Variants in ZNF831 observed in about 807,000 individuals in gnomAD.
ZNF831 encodes the protein chromosome 20 open reading frame 174.
A neutral mutation model predicts 95.8 loss-of-function variants in ZNF831; 59 were observed. The ratio of observed to expected loss-of-function variants is 0.62; its 90% CI spans 0.50 to 0.77. The LOEUF is 0.77. ZNF831 is among the 30% of genes least tolerant of loss of function. The probability of loss-of-function intolerance (pLI) is 0.00; values close to 1 mark genes in which losing one functional copy is unlikely to be tolerated. For synonymous variants in ZNF831, 961 were observed against 925.5 expected, an observed-to-expected ratio of 1.04 and a Z score of -0.70; for missense variants, 2,205 against 2,164.0, an observed-to-expected ratio of 1.02 and a Z score of -0.38.
At position 59,192,613 on chromosome 20, in the gene ZNF831, C is replaced by G. The variant is rs756389292; in HGVS notation, c.1594C>G (p.Pro532Ala). 66 of 1,503,132 alleles carry G rather than the reference C, an allele frequency of 4.4e-5. 1 individual carries two copies. The South Asian group carries it at 7.7e-4, about 18-fold the overall frequency. 93.1% of individuals were successfully genotyped at this position (1,503,132 alleles called of 1,614,324 possible). Residue 532 changes from proline to alanine, a missense_variant, in exon 2 of 6, where the codon CCT (proline) becomes GCT (alanine). Pro to Ala is a conservative substitution (Grantham distance 27, BLOSUM62 -1). Coordinates refer to ENST00000371030, the MANE Select transcript of ZNF831 (RefSeq NM_178457.3). The surrounding 1 kb of genome is among the most constrained non-coding windows in gnomAD (Gnocchi z 5.2). ...GGACCCCTGGTCCAGGACGCAGAAG[C>G]CTCTGAGCCCCAGGCCCGGCCCAGC... Reference protein sequence around the residue: ...PRDPWSRTQKPLSPRPGPARL... With the variant: ...PRDPWSRTQKALSPRPGPARL...
intron 2 of ZNF831, among the ~76,000 whole-genome samples, chr20:59,156,474 C>T (rs1280706765): frequency 2.0e-5 from 3 of 151,892 alleles, no homozygotes; most frequent in Non-Finnish European, 4.4e-5. Context: ...TGCAGTAAGC[C>T]GAGATTGCAC....
intron 1 of ZNF831, among the ~76,000 whole-genome samples, chr20:59,143,163 T>G (rs1410756477): frequency 6.6e-6 from 1 of 152,224 alleles, no homozygotes; most frequent in Non-Finnish European, 1.5e-5. Context: ...CCTCCCAAAG[T>G]GCTTAGATTA....
intron 4 of ZNF831, among the ~76,000 whole-genome samples, chr20:59,216,242 A>G (rs896917965): frequency 6.6e-6 from 1 of 152,076 alleles, no homozygotes; most frequent in Non-Finnish European, 1.5e-5. Context: ...AATTTTTGTA[A>G]GGCTTTGACC....
At position 59,191,793 on chromosome 20, in the gene ZNF831, C is replaced by T. The variant is rs754116150; in HGVS notation, c.774C>T (p.Asn258=). 5 of 1,612,896 alleles carry T rather than the reference C, an allele frequency of 3.1e-6. No homozygotes were observed. The African/African-American group carries it at 6.7e-5, about 22-fold the overall frequency. The change falls in exon 2 of 6, where the codon AAC becomes AAT. Residue 258 remains asparagine, a synonymous_variant. Coordinates refer to ENST00000371030, the MANE Select transcript of ZNF831 (RefSeq NM_178457.3). ...CCCACGTGCCCCTACTTGCCAAGAA[C>T]CTGGATGTGAGGACCGAAGCTGCTC... The part of the protein sequence containing the change: ...PGAHVPLLAK[N]LDVRTEAAPC...
intron 1 of ZNF831, among the ~76,000 whole-genome samples, chr20:59,135,511 C>A (rs1388876424): frequency 1.3e-5 from 2 of 152,220 alleles, no homozygotes; most frequent in African/African-American, 4.8e-5. Flanking sequence ...GCGGGCAGAT[C>A]ATGAGGTCAA....
At chr20:59,182,153 C>T (rs556113610) in intron 1 of ZNF831, among the ~76,000 whole-genome samples, 89 of 152,268 alleles carry the variant, frequency 5.8e-4, no homozygotes, top group Middle Eastern at 3.4e-3. Flanking sequence ...GATTAGATGG[C>T]TTAGGGCATG....
intron 4 of ZNF831, among the ~76,000 whole-genome samples, chr20:59,244,288 C>T (rs1987487993): frequency 6.6e-6 from 1 of 152,138 alleles, no homozygotes; most frequent in Non-Finnish European, 1.5e-5. Context: ...ATATATTTTT[C>T]TCTTCCTTTC....
intron 2 of ZNF831, among the ~76,000 whole-genome samples, chr20:59,158,353 G>C (rs541693277): frequency 6.6e-6 from 1 of 152,354 alleles, no homozygotes; most frequent in East Asian, 1.9e-4. Flanking sequence ...TCCAGAAAGG[G>C]TCCAGGGGGC....
In ZNF831 at chr20:59,193,072, T is replaced by C. The variant is rs191814601; in HGVS notation, c.2053T>C (p.Ser685Pro). Residue 685 changes from serine (S) to proline (P), a missense_variant, in exon 2 of 6, where the codon TCC becomes CCC. By Grantham distance (74) the Ser-to-Pro change is moderately conservative. Coordinates refer to ENST00000371030, the MANE Select transcript of ZNF831 (RefSeq NM_178457.3). Reference sequence around the variant, plus strand: ...GAGGACCCCTGTCCATGAGGACATATCCGCAGGGGCAACGCCAGAGCCTTG... The same window carrying C: ...GAGGACCCCTGTCCATGAGGACATACCCGCAGGGGCAACGCCAGAGCCTTG... The part of the protein sequence containing the change: ...DRRTPVHEDI[S>P]AGATPEPWGN... 3.1e-6 allele frequency: 5 copies of C among 1,592,064 alleles called. No individual in the cohort carries two copies. The African/African-American group carries it at 5.4e-5, about 17-fold the overall frequency.
chr20:59,164,406 A>G (rs939771471), intron 1 of ZNF831, among the ~76,000 whole-genome samples, 199 bp downstream of exon 1: 1 of 152,226 alleles, frequency 6.6e-6, no homozygotes, highest in Non-Finnish European at 1.5e-5. Flanking sequence ...AATATTTACT[A>G]CAATTCAAAA....
At chr20:59,223,699 A>C (rs1986249150) in intron 4 of ZNF831, among the ~76,000 whole-genome samples, 1 of 152,224 alleles carries the variant, frequency 6.6e-6, no homozygotes, top group Non-Finnish European at 1.5e-5. Context: ...GCTTTGAATC[A>C]TATAACCTTG....
intron 2 of ZNF831, among the ~76,000 whole-genome samples, chr20:59,157,003 A>G (rs1980579008): frequency 6.6e-6 from 1 of 152,264 alleles, no homozygotes; most frequent in African/African-American, 2.4e-5. Context: ...ACAGGCATGC[A>G]GTGTTTAATA....
At chr20:59,139,600 C>T (rs1979612265) in intron 1 of ZNF831, among the ~76,000 whole-genome samples, 1 of 152,094 alleles carries the variant, frequency 6.6e-6, no homozygotes, top group African/African-American at 2.4e-5. Context: ...GGAAAAGAAT[C>T]CGAGATTGGA....
chr20:59,218,090 A>G (rs957804540), intron 4 of ZNF831, among the ~76,000 whole-genome samples: 6 of 152,226 alleles, frequency 3.9e-5, no homozygotes, highest in Non-Finnish European at 8.8e-5. Flanking sequence ...GGAGCCTGAG[A>G]GAGCAAATAG....
intron 3 of ZNF831, among the ~76,000 whole-genome samples, chr20:59,199,638 TTTG>T (rs777266526): frequency 5.3e-5 from 8 of 152,172 alleles, no homozygotes; most frequent in African/African-American, 1.2e-4. Context: ...CTTCCTAATA[TTTG>T]TTGTTATCAG....
At chr20:59,240,490 G>A (rs1395645318) in intron 4 of ZNF831, among the ~76,000 whole-genome samples, 1 of 152,106 alleles carries the variant, frequency 6.6e-6, no homozygotes, top group Non-Finnish European at 1.5e-5. Context: ...TTTACTGATT[G>A]ATTTGGTTGG....
intron 4 of ZNF831, among the ~76,000 whole-genome samples, chr20:59,222,491 T>C (rs1986150243): frequency 6.7e-6 from 1 of 148,438 alleles, no homozygotes; most frequent in African/African-American, 2.5e-5. Flanking sequence ...TTTCTCTCTC[T>C]CTTTTTTTTT....
intron 4 of ZNF831, among the ~76,000 whole-genome samples, chr20:59,239,203 C>T (rs1987171986): frequency 2.0e-5 from 3 of 152,038 alleles, no homozygotes; most frequent in Non-Finnish European, 4.4e-5. Flanking sequence ...TTTATGATGG[C>T]CTGAGTGAGA....
At chr20:59,243,507 C>T (rs79066050) in intron 4 of ZNF831, among the ~76,000 whole-genome samples, 1 of 152,268 alleles carries the variant, frequency 6.6e-6, no homozygotes, top group African/African-American at 2.4e-5. Context: ...AGGAGACACC[C>T]TTGGTGTTTG....
Sources: gnomAD v4.1 joint callset for allele counts (sites outside exome capture counted in the v4.1 genomes callset) on GRCh38, gnomAD v4.1.1 for gene constraint, Gnocchi (gnomAD v3.1) non-coding constraint, MANE v1.5 for transcripts, NCBI Gene and HGNC (gene_info 2026-07-23, HGNC 2026-07-21) for gene names.